The following STAC variants were observed in gnomAD, a reference collection of about 807,000 sequenced individuals.
The protein encoded by STAC is SH3 and cysteine rich domain.
Under a neutral mutation model 48.8 loss-of-function variants are expected in STAC, and 43 were observed. That is an observed-to-expected ratio of 0.88 (90% CI 0.69 to 1.14). STAC has a LOEUF of 1.14. Ranked by LOEUF, STAC falls within the 50% of genes most tolerant of loss-of-function variation. The pLI is 0.00. For missense variants in STAC, 497 were observed against 504.0 expected (o/e 0.99, Z 0.13); for synonymous variants, 193 against 179.5 (o/e 1.07, Z -0.60).
chr3:36,422,491 A>C (rs1260336453), intron 1 of STAC, among the ~76,000 whole-genome samples: 1 of 152,150 alleles, frequency 6.6e-6, no homozygotes, highest in Non-Finnish European at 1.5e-5. Context: ...AAACTCATCC[A>C]CTAAACATAT....
chr3:36,528,335 G>A (rs1698984847), intron 8 of STAC, among the ~76,000 whole-genome samples: 1 of 152,068 alleles, frequency 6.6e-6, no homozygotes, highest in South Asian at 2.1e-4. Flanking sequence ...TGGGCATGGT[G>A]GCAGATGCCT....
intron 10 of STAC, among the ~76,000 whole-genome samples, chr3:36,534,320 A>G (rs1174639370): frequency 2.0e-5 from 3 of 152,214 alleles, no homozygotes; most frequent in Non-Finnish European, 4.4e-5. Context: ...TGCATAGCAG[A>G]AGTCATTTTC....
intron 2 of STAC, among the ~76,000 whole-genome samples, chr3:36,450,762 T>C (rs1355256534): frequency 6.6e-6 from 1 of 152,162 alleles, no homozygotes; most frequent in Admixed American, 6.5e-5. Flanking sequence ...CAAATTCGGG[T>C]GATCCACCTA....
At chr3:36,382,853 G>A (rs1699540334) in intron 1 of STAC, among the ~76,000 whole-genome samples, 1 of 152,122 alleles carries the variant, frequency 6.6e-6, no homozygotes, top group South Asian at 2.1e-4. Context: ...ATGAGAGCTT[G>A]GTGAGGAAAA....
intron 1 of STAC, among the ~76,000 whole-genome samples, chr3:36,391,827 T>C (rs1231828947): frequency 1.3e-5 from 2 of 152,240 alleles, no homozygotes; most frequent in Middle Eastern, 3.4e-3. Context: ...ATGGCCCTCA[T>C]AGCTGAAGTT....
intron 1 of STAC, among the ~76,000 whole-genome samples, chr3:36,400,320 T>C (rs1014160054): frequency 6.6e-6 from 1 of 152,210 alleles, no homozygotes; most frequent in Non-Finnish European, 1.5e-5. Context: ...TGTCCACGTG[T>C]TATATAACTA....
Position 36,528,767 on chromosome 3 carries a change from T to TAA in STAC, c.972+29_972+30dup. 6 of 1,403,956 alleles carry TAA rather than the reference T, an allele frequency of 4.3e-6. No homozygotes were observed. Among genetic ancestry groups the TAA allele is most frequent in the Non-Finnish European group, 4.9e-6 (5 of 1,024,588 alleles). The allele number at this position is 1,403,956 out of a possible 1,614,324, so 87.0% of individuals were successfully genotyped here. ...TGGAAAGTAAGTGTTCCTCTTTCTTTAAAAAAAAAAGAGAAAATCATTTGG... is the reference window on the plus strand; with the variant it reads ...TGGAAAGTAAGTGTTCCTCTTTCTTTAAAAAAAAAAAAGAGAAAATCATTTGG... On this transcript the variant is annotated intron_variant, in intron 9 of 10. Coordinates refer to ENST00000273183, the MANE Select transcript of STAC (RefSeq NM_003149.3).
At position 36,542,757 on chromosome 3, in the gene STAC, C is replaced by T. The variant is rs1268760950; in HGVS notation, c.1111-3434C>T. On this transcript the variant is annotated intron_variant, in intron 10 of 10. Transcript: ENST00000273183. ...TCCACAGGACAATCAGCCATCAAAACAGCCACAGCCCTTGCACTCACCACA... is the reference window on the plus strand; with the variant it reads ...TCCACAGGACAATCAGCCATCAAAATAGCCACAGCCCTTGCACTCACCACA... Among the ~76,000 whole-genome samples, 5 of 152,208 alleles carry T rather than the reference C, an allele frequency of 3.3e-5. No homozygotes were observed. In the East Asian group the frequency reaches 7.7e-4, roughly 23 times the overall value.
intron 4 of STAC, 198 bp from the exon 5 acceptor site, chr3:36,485,936 G>T: frequency 1.9e-6 from 1 of 539,306 alleles, no homozygotes; most frequent in Non-Finnish European, 3.3e-6. Flanking sequence ...GTACATGGCA[G>T]GACCTGCAAA....
chr3:36,482,852 T>G (rs542908379), intron 2 of STAC, 140 bp from the exon 3 acceptor site: 1 of 622,012 alleles, frequency 1.6e-6, no homozygotes, highest in Non-Finnish European at 2.9e-6. Flanking sequence ...CTACCATATA[T>G]ATTTTTTTTC....
In STAC at chr3:36,485,033, C is replaced by G. The variant is rs768267819; in HGVS notation, c.546C>G (p.Gly182=). 6.2e-7 allele frequency: 1 copy of G among 1,603,474 alleles called. No individual in the cohort carries two copies. The highest frequency in any genetic ancestry group is 1.1e-5 in the South Asian group (1 of 88,876). ...CCTTGCTCATTCATGAACAGTTTGG[C>G]TGCATTAAAGAAGTTATGCCCATTG... is the stretch of plus-strand genomic sequence containing the variant. ...SSPLLIHEQF[G]CIKEVMPIAC... Residue 182 remains glycine, a synonymous_variant, in exon 4 of 11, where the codon GGC becomes GGG. Transcript: ENST00000273183.
At chr3:36,458,871 A>C (rs946855102) in intron 2 of STAC, among the ~76,000 whole-genome samples, 2 of 152,204 alleles carry the variant, frequency 1.3e-5, no homozygotes, top group Non-Finnish European at 1.5e-5. Context: ...TGAGTATCTA[A>C]GTCACCCGGA....
chr3:36,398,296 A>AAAGAAAGAAAGAAAGAAAGC (rs1699895374), intron 1 of STAC, among the ~76,000 whole-genome samples: 5 of 92,330 alleles, frequency 5.4e-5, no homozygotes, highest in Admixed American at 4.9e-4. Context: ...GTATGTTAAA[A>AAAGAAAGAAAGAAAGAAAGC]AAGAAAGAAA....
chr3:36,409,533 G>A (rs1281445194), intron 1 of STAC: 1 of 152,174 alleles, frequency 6.6e-6, no homozygotes, highest in Non-Finnish European at 1.5e-5. Flanking sequence ...AGTGGTTCTT[G>A]ACCCAGAAAA....
At chr3:36,539,705 G>A (rs552731629) in intron 10 of STAC, among the ~76,000 whole-genome samples, 4 of 152,042 alleles carry the variant, frequency 2.6e-5, no homozygotes, top group Admixed American at 6.6e-5. Flanking sequence ...TCTTTACCTC[G>A]AGATATTTTC....
intron 1 of STAC, among the ~76,000 whole-genome samples, chr3:36,435,694 C>T (rs892019372): frequency 2.0e-5 from 3 of 152,204 alleles, no homozygotes; most frequent in South Asian, 4.1e-4. Flanking sequence ...ACACTCACCA[C>T]TTCACTGAAT....
At chr3:36,509,666 G>A (rs989696419) in intron 8 of STAC, among the ~76,000 whole-genome samples, 2 of 151,140 alleles carry the variant, frequency 1.3e-5, no homozygotes, top group African/African-American at 2.4e-5. Context: ...TTCAATCTCT[G>A]ATATTCTTTC....
At position 36,380,613 on chromosome 3, in the gene STAC, G is replaced by T. The variant is rs762353509; in HGVS notation, c.-31G>T. The T allele has an allele frequency of 2.0e-6, 3 of 1,518,764 alleles. No homozygotes were observed. The highest frequency in any genetic ancestry group is 2.4e-5 in the East Asian group (1 of 41,320). The allele number at this position is 1,518,764 out of a possible 1,614,324, so 94.1% of individuals were successfully genotyped here. A position where few individuals can be genotyped will look rare whatever the true frequency, so the allele number is the denominator to read the frequency against. On this transcript the variant is annotated 5_prime_UTR_variant, in exon 1 of 11. Coordinates refer to ENST00000273183, the MANE Select transcript of STAC (RefSeq NM_003149.3). ...AGGACAGAAGCCTCGCTGTTCCTCCGGGAGCCCAACACCGTTCCCGCGCGG... is the reference window on the plus strand; with the variant it reads ...AGGACAGAAGCCTCGCTGTTCCTCCTGGAGCCCAACACCGTTCCCGCGCGG...
intron 8 of STAC, among the ~76,000 whole-genome samples, chr3:36,525,590 A>G (rs1327369519): frequency 2.0e-5 from 3 of 151,644 alleles, no homozygotes; most frequent in African/African-American, 7.3e-5. Context: ...TTTATTCCCT[A>G]TTTACAGTTT....
Sources: allele counts gnomAD v4.1 joint callset (sites outside exome capture counted in the v4.1 genomes callset), GRCh38; gene constraint gnomAD v4.1.1; transcripts MANE v1.5; gene names NCBI Gene and HGNC (gene_info 2026-07-23, HGNC 2026-07-21).